ANO4: variants seen among roughly 807,000 people sequenced by gnomAD.
ANO4 encodes the protein anoctamin-4.
ANO4 carries 69 observed loss-of-function variants against 141.9 expected under a neutral mutation model. The ratio of observed to expected loss-of-function variants is 0.49; its 90% CI spans 0.40 to 0.59. ANO4 has a LOEUF of 0.59. Among genes scored for constraint, ANO4 ranks in the 20% least tolerant of loss-of-function variants. The pLI, the probability that ANO4 is intolerant of heterozygous loss-of-function variation, is 0.00. For missense variants in ANO4, 894 were observed against 1,162.2 expected (o/e 0.77, Z 3.36); for synonymous variants, 350 against 394.3 (o/e 0.89, Z 1.33).
intron 1 of ANO4, among the ~76,000 whole-genome samples, chr12:100,870,438 ATTTAT>A (rs936621993): frequency 6.6e-6 from 1 of 152,100 alleles, no homozygotes; most frequent in African/African-American, 2.4e-5. Flanking sequence ...TATAGTGAGG[ATTTAT>A]TTTAAGTTTT....
chr12:101,060,859 G>C (rs1432235222), intron 14 of ANO4, among the ~76,000 whole-genome samples: 2 of 152,114 alleles, frequency 1.3e-5, no homozygotes, highest in African/African-American at 4.8e-5. Flanking sequence ...TCTTTTAATT[G>C]AGGCATTTAG....
intron 4 of ANO4, among the ~76,000 whole-genome samples, chr12:100,939,678 T>C (rs2042428325): frequency 6.6e-6 from 1 of 152,288 alleles, no homozygotes; most frequent in Middle Eastern, 3.4e-3. Context: ...AAACCTATCA[T>C]TTTTTTAAAC....
In ANO4 at chr12:100,994,514, C is replaced by T. The variant is rs571975831; in HGVS notation, c.734+6844C>T. Among the ~76,000 whole-genome samples, 17 of 152,170 alleles carry T rather than the reference C, an allele frequency of 1.1e-4. No homozygotes were observed. In the East Asian group the frequency reaches 3.1e-3, roughly 28 times the overall value. The stretch of plus-strand genomic sequence containing the variant: ...ATAATAGATATACAGGACATTCTTT[C>T]AGGAAATAGATCAATTCTGATTGTC... On this transcript the variant is annotated intron_variant, in intron 8 of 27. Coordinates refer to ENST00000392977, the MANE Select transcript of ANO4 (RefSeq NM_001286615.2).
intron 3 of ANO4, among the ~76,000 whole-genome samples, chr12:100,771,084 T>C (rs887881889): frequency 3.3e-5 from 5 of 152,176 alleles, no homozygotes; most frequent in African/African-American, 1.2e-4. Context: ...AAAAATATGA[T>C]CAAATACTCT....
chr12:101,088,611 A>T (rs1348680910), intron 17 of ANO4, among the ~76,000 whole-genome samples: 1 of 151,838 alleles, frequency 6.6e-6, no homozygotes, highest in East Asian at 1.9e-4. Flanking sequence ...TGTTGTTGCT[A>T]TTTTTTGTAG....
intron 3 of ANO4, among the ~76,000 whole-genome samples, chr12:100,787,141 G>A (rs2033898761): frequency 6.6e-6 from 1 of 152,170 alleles, no homozygotes; most frequent in Non-Finnish European, 1.5e-5. Flanking sequence ...TTCTCTGAAG[G>A]AAACACATAG....
At chr12:101,089,421 G>A (rs1233813037) in intron 17 of ANO4, among the ~76,000 whole-genome samples, 1 of 152,084 alleles carries the variant, frequency 6.6e-6, no homozygotes, top group Non-Finnish European at 1.5e-5. Context: ...CTTAGCAAGT[G>A]GAGATTGAAA....
At chr12:100,903,855 T>A (rs998626611) in intron 2 of ANO4, among the ~76,000 whole-genome samples, 1 of 152,222 alleles carries the variant, frequency 6.6e-6, no homozygotes, top group Non-Finnish European at 1.5e-5. Flanking sequence ...AGATTAGTGT[T>A]CATTGAATAA....
chr12:101,123,021 C>T (rs1005211144), intron 26 of ANO4, among the ~76,000 whole-genome samples: 1 of 152,122 alleles, frequency 6.6e-6, no homozygotes, highest in Non-Finnish European at 1.5e-5. Context: ...AAATAGTTTG[C>T]ATTTCTATGA....
At chr12:101,004,862 T>C (rs2045805273) in intron 8 of ANO4, among the ~76,000 whole-genome samples, 1 of 152,058 alleles carries the variant, frequency 6.6e-6, no homozygotes, top group South Asian at 2.1e-4. Flanking sequence ...CAGGGGCAGA[T>C]AGAGAATGCC....
At chr12:100,775,161 C>T (rs905762688) in intron 3 of ANO4, among the ~76,000 whole-genome samples, 6 of 152,130 alleles carry the variant, frequency 3.9e-5, no homozygotes, top group Non-Finnish European at 7.4e-5. Flanking sequence ...ATTTAAAGAA[C>T]GCTTGTTTGG....
In ANO4 at chr12:101,083,671, C is replaced by T. The variant is rs2049371888; in HGVS notation, c.1396-7C>T. 6.2e-7 allele frequency: 1 copy of T among 1,602,072 alleles called. No homozygotes were observed. The highest frequency in any genetic ancestry group is 8.5e-7 in the Non-Finnish European group (1 of 1,177,266). On this transcript the variant is annotated splice_polypyrimidine_tract_variant and splice_region_variant and intron_variant, in intron 15 of 27. Coordinates refer to ENST00000392977, the MANE Select transcript of ANO4 (RefSeq NM_001286615.2). The stretch of plus-strand genomic sequence containing the variant: ...AGTGCATTAAAATGTGTCTGCTTGT[C>T]CTTTAGGAAGAAATACGACCCCAGT...
chr12:100,853,278 G>A (rs901610654), intron 1 of ANO4, among the ~76,000 whole-genome samples: 1 of 152,044 alleles, frequency 6.6e-6, no homozygotes. Flanking sequence ...TTTATTTTGT[G>A]AACAGAAGTT....
At chr12:100,992,859 C>T (rs1296908884) in intron 8 of ANO4, among the ~76,000 whole-genome samples, 1 of 152,144 alleles carries the variant, frequency 6.6e-6, no homozygotes, top group African/African-American at 2.4e-5. Context: ...TATTCTTTAA[C>T]TGCACTGTAC....
intron 2 of ANO4, among the ~76,000 whole-genome samples, chr12:100,909,751 C>G (rs572835720): frequency 5.9e-5 from 9 of 152,278 alleles, no homozygotes; most frequent in African/African-American, 2.2e-4. Flanking sequence ...GTTCTGAAAG[C>G]AAGCTTTATC....
At chr12:100,972,936 C>T (rs2043994265) in intron 6 of ANO4, among the ~76,000 whole-genome samples, 1 of 152,206 alleles carries the variant, frequency 6.6e-6, no homozygotes, top group African/African-American at 2.4e-5. Flanking sequence ...GGCCTGGCCA[C>T]ATCATGAATA....
At chr12:100,940,590 C>A (rs1258052757) in intron 4 of ANO4, among the ~76,000 whole-genome samples, 1 of 152,202 alleles carries the variant, frequency 6.6e-6, no homozygotes, top group African/African-American at 2.4e-5. Flanking sequence ...GATTGGTCAT[C>A]AATTGAAAAT....
chr12:100,969,313 A>C (rs1333142841), intron 5 of ANO4, among the ~76,000 whole-genome samples: 2 of 152,216 alleles, frequency 1.3e-5, no homozygotes, highest in Non-Finnish European at 2.9e-5. Context: ...ACTTGTCCCA[A>C]GCCAGAAGAT....
intron 9 of ANO4, 89 bp downstream of exon 9, chr12:101,020,229 T>TATTA: frequency 1.2e-6 from 1 of 869,416 alleles, no homozygotes; most frequent in Non-Finnish European, 1.8e-6. Context: ...GTATCAATTC[T>TATTA]AGCAATGCTT....
Sources: allele counts gnomAD v4.1 joint callset (sites outside exome capture counted in the v4.1 genomes callset), GRCh38; gene constraint gnomAD v4.1.1; transcripts MANE v1.5; gene names NCBI Gene and HGNC (gene_info 2026-07-23, HGNC 2026-07-21).